The following LDLRAD1 variants were observed in gnomAD, a reference collection of about 807,000 sequenced individuals.
LDLRAD1 encodes the protein low density lipoprotein receptor class A domain containing 1.
Under a neutral mutation model 24.8 loss-of-function variants are expected in LDLRAD1, and 17 were observed. The ratio of observed to expected loss-of-function variants is 0.69; its 90% CI spans 0.47 to 1.03. The LOEUF is 1.03. LDLRAD1 is among the 50% of genes least tolerant of loss of function. The pLI is 0.00. For missense variants in LDLRAD1, 277 were observed against 271.0 expected (o/e 1.02, Z -0.16); for synonymous variants, 103 against 108.2 (o/e 0.95, Z 0.30).
chr1:54,008,923 A>T lies in LDLRAD1; in HGVS notation c.*59T>A. 2.0e-6 allele frequency: 3 copies of T among 1,506,454 alleles called. No individual in the cohort carries two copies. Among genetic ancestry groups the T allele is most frequent in the African/African-American group, 1.4e-5 (1 of 71,790 alleles). 93.3% of individuals were successfully genotyped at this position (1,506,454 alleles called of 1,614,324 possible). On this transcript the variant is annotated 3_prime_UTR_variant, in exon 6 of 6. Transcript: ENST00000371360. ...CCTTGTGCGCTAGGATTTGATTTTC[A>T]TGTGAAGGGTTATCAGTGCCATTCC...
At chr1:54,010,908 C>G (rs1221939313) in intron 4 of LDLRAD1, among the ~76,000 whole-genome samples, 1 of 152,100 alleles carries the variant, frequency 6.6e-6, no homozygotes, top group Non-Finnish European at 1.5e-5. Context: ...TTCTGTTAGG[C>G]AGCAGTGTGA....
intron 2 of LDLRAD1, among the ~76,000 whole-genome samples, chr1:54,016,988 A>G (rs567574782): frequency 6.6e-6 from 1 of 152,348 alleles, no homozygotes; most frequent in East Asian, 1.9e-4. Context: ...ACCATGGGCC[A>G]GTGGCACATA....
intron 4 of LDLRAD1, among the ~76,000 whole-genome samples, chr1:54,011,920 G>A (rs776898754): frequency 1.3e-5 from 2 of 152,172 alleles, no homozygotes; most frequent in African/African-American, 2.4e-5. Context: ...GGATGAATAC[G>A]GGTTCTCTGG....
chr1:54,013,976 G>A (rs1226287235), intron 3 of LDLRAD1, among the ~76,000 whole-genome samples: 1 of 152,002 alleles, frequency 6.6e-6, no homozygotes, highest in Non-Finnish European at 1.5e-5. Context: ...CATCCTGGGG[G>A]TCTAGGAAGG....
At chr1:54,017,965 G>C in intron 1 of LDLRAD1, 127 bp downstream of exon 1, 1 of 880,190 alleles carries the variant, frequency 1.1e-6, no homozygotes, top group South Asian at 1.3e-5. Flanking sequence ...GGTCAGGGCG[G>C]CTCTTACCTG....
chr1:54,010,172 G>T, intron 5 of LDLRAD1, 110 bp downstream of exon 5: 1 of 1,276,412 alleles, frequency 7.8e-7, no homozygotes, highest in Non-Finnish European at 1.1e-6. Context: ...CTCCTTCCTA[G>T]GATGCAGGGA....
At chr1:54,010,457 G>A (rs1656003920) in intron 4 of LDLRAD1, 47 bp from the exon 5 acceptor site, 2 of 1,606,704 alleles carry the variant, frequency 1.2e-6, no homozygotes, top group African/African-American at 1.3e-5. Flanking sequence ...TCTGGCCACA[G>A]CTGTCTGAGG....
chr1:54,016,035 G>C (rs1159566260), intron 2 of LDLRAD1, among the ~76,000 whole-genome samples: 1 of 152,130 alleles, frequency 6.6e-6, no homozygotes, highest in African/African-American at 2.4e-5. Flanking sequence ...GGTCAGTCCA[G>C]GTTATTTCCA....
At chr1:54,017,023 TTATC>T (rs1177524187) in intron 2 of LDLRAD1, among the ~76,000 whole-genome samples, 1 of 152,220 alleles carries the variant, frequency 6.6e-6, no homozygotes, top group Admixed American at 6.5e-5. Flanking sequence ...ATGTGTCACT[TTATC>T]CATCAGAGTT....
chr1:54,012,456 T>A (rs1656101165), intron 3 of LDLRAD1, among the ~76,000 whole-genome samples, 176 bp from the exon 4 acceptor site: 1 of 152,170 alleles, frequency 6.6e-6, no homozygotes, highest in Admixed American at 6.5e-5. Flanking sequence ...TGCCTGATCT[T>A]GGGCAGATGA....
chr1:54,016,484 A>C (rs531090590), intron 2 of LDLRAD1, among the ~76,000 whole-genome samples: 3 of 152,320 alleles, frequency 2.0e-5, no homozygotes, highest in Admixed American at 6.5e-5. Context: ...AAGCTGTTGC[A>C]CTTCAAAGCC....
intron 5 of LDLRAD1, 83 bp downstream of exon 5, chr1:54,010,199 C>T (rs1655985915): frequency 1.3e-6 from 2 of 1,506,986 alleles, no homozygotes; most frequent in Non-Finnish European, 1.8e-6. Flanking sequence ...CAAGGGGGAG[C>T]CCTAGAGATT....
At chr1:54,015,010 G>A (rs1656242320) in intron 2 of LDLRAD1, among the ~76,000 whole-genome samples, 1 of 152,186 alleles carries the variant, frequency 6.6e-6, no homozygotes, top group Non-Finnish European at 1.5e-5. Context: ...TACCATAATA[G>A]CTACCTTAGA....
chr1:54,010,307 C>T lies in LDLRAD1; in HGVS notation c.444G>A (p.Gly148=), dbSNP rs138421528. 257 of 1,613,972 alleles carry T rather than the reference C, an allele frequency of 1.6e-4. 1 individual carries two copies. Among genetic ancestry groups the T allele is most frequent in the Non-Finnish European group, 2.1e-4 (244 of 1,180,014 alleles). Residue 148 remains glycine (G), a synonymous_variant, in exon 5 of 6, where the codon GGG becomes GGA. Coordinates refer to ENST00000371360, the MANE Select transcript of LDLRAD1 (RefSeq NM_001010978.4). ...DQKCDGTNNC[G]DCSDELSPVT... ...CTGGGCTCAGTTCATCTGAACAGTC[C>T]CCGCAGTTGTTAGTGCCATCACATT...
intron 4 of LDLRAD1, among the ~76,000 whole-genome samples, chr1:54,011,144 CTG>C (rs1373916998): frequency 1.3e-5 from 2 of 152,126 alleles, no homozygotes; most frequent in Admixed American, 6.5e-5. Context: ...AGGGGGCTGA[CTG>C]TGACCTGGAG....
intron 2 of LDLRAD1, among the ~76,000 whole-genome samples, chr1:54,015,175 G>A (rs906069823): frequency 2.0e-5 from 3 of 151,882 alleles, no homozygotes; most frequent in African/African-American, 7.3e-5. Flanking sequence ...GTGCAATCTA[G>A]TTCACTGCAC....
rs184109857 is a variant in LDLRAD1, at chr1:54,015,781, G to A, written c.74-1417C>T. Among the ~76,000 whole-genome samples, 66 of 151,626 alleles carry A rather than the reference G, an allele frequency of 4.4e-4. No homozygotes were observed. In the East Asian group the frequency reaches 0.011, roughly 25 times the overall value. ...AGCGATTCTCCTGCCTCAGCCTCCC[G>A]AGTAGCTGGGATGACAGGCGCCCGC... On this transcript the variant is annotated intron_variant, in intron 2 of 5. Coordinates refer to ENST00000371360, the MANE Select transcript of LDLRAD1 (RefSeq NM_001010978.4).
At chr1:54,013,896 C>A (rs922851016) in intron 3 of LDLRAD1, among the ~76,000 whole-genome samples, 11 of 151,998 alleles carry the variant, frequency 7.2e-5, no homozygotes, top group African/African-American at 2.7e-4. Context: ...TGGATAGCAC[C>A]ACCCCGGGGT....
chr1:54,013,054 G>T (rs1197981129), intron 3 of LDLRAD1, among the ~76,000 whole-genome samples: 2 of 152,064 alleles, frequency 1.3e-5, no homozygotes, highest in Non-Finnish European at 2.9e-5. Flanking sequence ...AGTGTGTGTG[G>T]GGGAGGCGGC....
Sources: gnomAD v4.1 joint callset for allele counts (sites outside exome capture counted in the v4.1 genomes callset) on GRCh38, gnomAD v4.1.1 for gene constraint, MANE v1.5 for transcripts, NCBI Gene and HGNC (gene_info 2026-07-23, HGNC 2026-07-21) for gene names.